Variants in KCNJ6 observed in about 807,000 individuals in gnomAD.
KCNJ6 encodes G protein-activated inward rectifier potassium channel 2.
Under a neutral mutation model 34.2 loss-of-function variants are expected in KCNJ6, and 9 were observed. That is an observed-to-expected ratio of 0.26 (90% CI 0.16 to 0.46). The LOEUF is 0.46. Ranked by LOEUF, KCNJ6 falls within the 20% of genes least tolerant of loss-of-function variation. The pLI is 1.00. For missense variants in KCNJ6, 236 were observed against 531.3 expected, an observed-to-expected ratio of 0.44 and a Z score of 5.46; for synonymous variants, 196 against 207.1, an observed-to-expected ratio of 0.95 and a Z score of 0.46.
intron 3 of KCNJ6, among the ~76,000 whole-genome samples, chr21:37,676,138 C>A (rs921465156): frequency 1.3e-5 from 2 of 152,070 alleles, no homozygotes; most frequent in African/African-American, 2.4e-5. Flanking sequence ...AGGCCCATGG[C>A]GTGGGGACTG....
chr21:37,775,498 T>C (rs1428463776), intron 2 of KCNJ6, among the ~76,000 whole-genome samples: 9 of 152,262 alleles, frequency 5.9e-5, no homozygotes, highest in Non-Finnish European at 1.3e-4. Context: ...AACATTTAAG[T>C]CTTTAATCCA....
Position 37,901,931 on chromosome 21 carries a change from GCTAA to G in KCNJ6, c.-28+13949_-28+13952del, listed in dbSNP as rs10574101. Among the ~76,000 whole-genome samples, 378 of 152,296 alleles carry G rather than the reference GCTAA, an allele frequency of 2.5e-3. 4 individuals carry two copies. The highest frequency in any genetic ancestry group is 8.5e-3 in the African/African-American group (353 of 41,568). ...TTAGAAGCAGGGGACAGGAAAACCAGCTAACTAATTTGTTTTTTTTAATTATCCC... is the reference window on the plus strand; with the variant it reads ...TTAGAAGCAGGGGACAGGAAAACCAGCTAATTTGTTTTTTTTAATTATCCC... On this transcript the variant is annotated intron_variant, in intron 1 of 3. Coordinates refer to ENST00000609713, the MANE Select transcript of KCNJ6 (RefSeq NM_002240.5).
intron 2 of KCNJ6, among the ~76,000 whole-genome samples, chr21:37,784,603 C>A (rs1184678179): frequency 6.6e-6 from 1 of 152,148 alleles, no homozygotes; most frequent in Non-Finnish European, 1.5e-5. Flanking sequence ...GCTCCCAGCA[C>A]CCCATGAGCT....
intron 1 of KCNJ6, among the ~76,000 whole-genome samples, chr21:37,842,507 C>G (rs891436993): frequency 6.6e-6 from 1 of 152,224 alleles, no homozygotes; most frequent in Non-Finnish European, 1.5e-5. Flanking sequence ...TTCATGACAA[C>G]GAAATCAGCA....
At chr21:37,805,075 T>C (rs540019821) in intron 2 of KCNJ6, among the ~76,000 whole-genome samples, 2 of 152,164 alleles carry the variant, frequency 1.3e-5, no homozygotes, top group East Asian at 1.9e-4. Flanking sequence ...AGGAAATCCA[T>C]AGAGACAGAA....
At chr21:37,783,822 T>C (rs1367564678) in intron 2 of KCNJ6, among the ~76,000 whole-genome samples, 1 of 152,160 alleles carries the variant, frequency 6.6e-6, no homozygotes, top group Non-Finnish European at 1.5e-5. Flanking sequence ...GCTTTTAGGA[T>C]TAGTGTACTT....
chr21:37,715,149 A>G lies in KCNJ6; in HGVS notation c.26-18T>C. ...GACGTTAGCTGGTGGTTTGGAGAAA[A>G]GAAAAGAAACACTGAATGAAAGGCT... is the stretch of plus-strand genomic sequence containing the variant. On this transcript the variant is annotated intron_variant, in intron 2 of 3. Transcript: ENST00000609713. The G allele has an allele frequency of 6.3e-7, 1 of 1,596,730 alleles. No individual in the cohort carries two copies. Among genetic ancestry groups the G allele is most frequent in the Non-Finnish European group, 8.5e-7 (1 of 1,171,482 alleles).
intron 3 of KCNJ6, among the ~76,000 whole-genome samples, chr21:37,652,553 A>G (rs974907402): frequency 1.3e-5 from 2 of 152,154 alleles, no homozygotes; most frequent in African/African-American, 2.4e-5. Flanking sequence ...CAAAGAATTC[A>G]TTGGGAAGAG....
At position 37,903,021 on chromosome 21, in the gene KCNJ6, T is replaced by C. The variant is rs2055824286; in HGVS notation, c.-28+12863A>G. On this transcript the variant is annotated intron_variant, in intron 1 of 3. Transcript: ENST00000609713. ...TTTCCTCTCTCTTTATTAGAAACAA[T>C]TGTCCCTTCCTCTCCATGCTGTCTG... Among the ~76,000 whole-genome samples the C allele has an allele frequency of 2.6e-5, 4 of 152,158 alleles. No individual in the cohort carries two copies. The South Asian group carries it at 8.3e-4, about 32-fold the overall frequency.
intron 2 of KCNJ6, among the ~76,000 whole-genome samples, chr21:37,716,555 T>G (rs941888280): frequency 8.6e-5 from 13 of 151,998 alleles, no homozygotes; most frequent in Admixed American, 2.6e-4. Context: ...GCCAATTATT[T>G]TATTTTCATG....
chr21:37,752,609 C>A (rs1289061903), intron 2 of KCNJ6, among the ~76,000 whole-genome samples: 1 of 152,200 alleles, frequency 6.6e-6, no homozygotes, highest in Admixed American at 6.5e-5. Context: ...GACACGCTGC[C>A]ACAGGGTCAC....
intron 2 of KCNJ6, among the ~76,000 whole-genome samples, chr21:37,817,017 C>T (rs1039786599): frequency 6.6e-6 from 1 of 152,176 alleles, no homozygotes; most frequent in Non-Finnish European, 1.5e-5. Flanking sequence ...TGCATGAGTT[C>T]AAATTCCAGT....
chr21:37,896,148 G>C (rs1269629280), intron 1 of KCNJ6, among the ~76,000 whole-genome samples: 1 of 152,140 alleles, frequency 6.6e-6, no homozygotes, highest in Non-Finnish European at 1.5e-5. Flanking sequence ...GAGACAGAGG[G>C]GGAGGTGCCA....
chr21:37,621,476 A>C lies in KCNJ6; in HGVS notation c.*3683T>G, dbSNP rs903603481. On this transcript the variant is annotated 3_prime_UTR_variant, in exon 4 of 4. Transcript: ENST00000609713. ...AAAAAAGTAAGAAAACTGAAATGTAAGAAAATGTAGGGATGGAAAGCATAA... is the reference window on the plus strand; with the variant it reads ...AAAAAAGTAAGAAAACTGAAATGTACGAAAATGTAGGGATGGAAAGCATAA... 2.0e-5 allele frequency: 3 copies of C among 152,260 alleles called. No homozygotes were observed. Among genetic ancestry groups the C allele is most frequent in the African/African-American group, 7.2e-5 (3 of 41,470 alleles). The allele number at this position is 152,260 out of a possible 1,614,324, so 9.4% of individuals were successfully genotyped here. A position where few individuals can be genotyped will look rare whatever the true frequency, so the allele number is the denominator to read the frequency against.
intron 3 of KCNJ6, among the ~76,000 whole-genome samples, chr21:37,693,445 C>A (rs1267831038): frequency 6.6e-6 from 1 of 152,104 alleles, no homozygotes; most frequent in Admixed American, 6.5e-5. Context: ...TGGAGGAGAA[C>A]CAGGAAATCA....
intron 3 of KCNJ6, among the ~76,000 whole-genome samples, chr21:37,686,562 G>GGTTCAAGT (rs2054616643): frequency 6.7e-6 from 1 of 149,240 alleles, no homozygotes; most frequent in African/African-American, 2.5e-5. Flanking sequence ...CCGCCTCCTG[G>GGTTCAAGT]GTTCAAGTGA....
At chr21:37,761,070 C>T (rs537965091) in intron 2 of KCNJ6, among the ~76,000 whole-genome samples, 4 of 152,150 alleles carry the variant, frequency 2.6e-5, no homozygotes, top group East Asian at 3.9e-4. Flanking sequence ...TGCCAGGGGA[C>T]GCCCCTTAGA....
At chr21:37,864,011 C>G (rs1054396109) in intron 1 of KCNJ6, among the ~76,000 whole-genome samples, 1 of 151,984 alleles carries the variant, frequency 6.6e-6, no homozygotes, top group Non-Finnish European at 1.5e-5. Flanking sequence ...TCCGGCATCA[C>G]AAGCCGGGTT....
At chr21:37,905,606 A>G (rs1389176299) in intron 1 of KCNJ6, among the ~76,000 whole-genome samples, 1 of 152,198 alleles carries the variant, frequency 6.6e-6, no homozygotes, top group Non-Finnish European at 1.5e-5. Context: ...ACATCCCTGG[A>G]TGTTTTCTGC....
Sources: gnomAD v4.1 joint callset for allele counts (sites outside exome capture counted in the v4.1 genomes callset) on GRCh38, gnomAD v4.1.1 for gene constraint, MANE v1.5 for transcripts, NCBI Gene and HGNC (gene_info 2026-07-23, HGNC 2026-07-21) for gene names.